KLHL1: variants seen among roughly 807,000 people sequenced by gnomAD.
KLHL1 encodes kelch like family member 1.
In KLHL1, 47 loss-of-function variants were observed where a neutral mutation model predicts 77.7. The observed-to-expected ratio is 0.60, with a 90% CI of 0.48 to 0.77. The LOEUF (loss-of-function observed/expected upper bound fraction) is 0.77. Among genes scored for constraint, KLHL1 ranks in the 30% least tolerant of loss-of-function variants. The pLI is 0.00. For missense variants in KLHL1, 925 were observed against 910.8 expected (o/e 1.02, Z -0.20); for synonymous variants, 360 against 325.2 (o/e 1.11, Z -1.15).
intron 5 of KLHL1, among the ~76,000 whole-genome samples, chr13:69,849,267 A>C (rs1036846950): frequency 3.3e-5 from 5 of 151,562 alleles, no homozygotes; most frequent in East Asian, 1.9e-4. Flanking sequence ...GGCTATATTT[A>C]AGAGTATACA....
At chr13:69,978,024 T>C (rs917646075) in intron 1 of KLHL1, among the ~76,000 whole-genome samples, 2 of 152,128 alleles carry the variant, frequency 1.3e-5, no homozygotes, top group African/African-American at 2.4e-5. Flanking sequence ...TTGAAATTAA[T>C]ACAAATTTTG....
chr13:69,961,072 T>A (rs1156383046), intron 3 of KLHL1, among the ~76,000 whole-genome samples: 1 of 152,050 alleles, frequency 6.6e-6, no homozygotes, highest in East Asian at 1.9e-4. Context: ...TTCTACTATT[T>A]ACATATTTAT....
At chr13:69,971,232 A>G (rs1467855512) in intron 2 of KLHL1, among the ~76,000 whole-genome samples, 1 of 152,058 alleles carries the variant, frequency 6.6e-6, no homozygotes, top group African/African-American at 2.4e-5. Flanking sequence ...TAAAGACAAA[A>G]TGATTTGTAA....
intron 1 of KLHL1, among the ~76,000 whole-genome samples, chr13:70,086,702 T>G (rs1887552945): frequency 6.8e-6 from 1 of 147,216 alleles, no homozygotes; most frequent in Non-Finnish European, 1.5e-5. Context: ...GATTGCCCTT[T>G]TCAAACTTTT....
At chr13:69,828,701 C>A (rs1878640995) in intron 6 of KLHL1, among the ~76,000 whole-genome samples, 1 of 150,154 alleles carries the variant, frequency 6.7e-6, no homozygotes, top group Non-Finnish European at 1.5e-5. Flanking sequence ...GATATAAACT[C>A]CAGGCTGATG....
At chr13:70,083,293 C>T (rs1180696664) in intron 1 of KLHL1, among the ~76,000 whole-genome samples, 3 of 152,144 alleles carry the variant, frequency 2.0e-5, no homozygotes, top group Non-Finnish European at 4.4e-5. Context: ...ACAGTAATAT[C>T]ATGTAAGATG....
chr13:69,878,042 G>A (rs1880831962), intron 5 of KLHL1, among the ~76,000 whole-genome samples: 1 of 152,026 alleles, frequency 6.6e-6, no homozygotes. Flanking sequence ...GAACACAAGA[G>A]GCTATTAAAG....
chr13:69,789,798 A>C (rs1045387264), intron 7 of KLHL1, among the ~76,000 whole-genome samples: 8 of 152,162 alleles, frequency 5.3e-5, no homozygotes, highest in African/African-American at 1.9e-4. Context: ...GAGACTTTAA[A>C]TCTGGAGTGA....
chr13:70,019,732 C>G (rs967809764), intron 1 of KLHL1, among the ~76,000 whole-genome samples: 7 of 152,058 alleles, frequency 4.6e-5, no homozygotes, highest in African/African-American at 1.7e-4. Flanking sequence ...ATGCCTTTAT[C>G]CATATATTAT....
intron 1 of KLHL1, among the ~76,000 whole-genome samples, chr13:70,041,431 G>C (rs1886377861): frequency 6.6e-6 from 1 of 152,114 alleles, no homozygotes; most frequent in African/African-American, 2.4e-5. Flanking sequence ...TCCAGATTGG[G>C]CTTTTCCCAA....
At chr13:70,009,920 G>C (rs765718839) in intron 1 of KLHL1, among the ~76,000 whole-genome samples, 9 of 151,894 alleles carry the variant, frequency 5.9e-5, no homozygotes, top group Admixed American at 2.0e-4. Context: ...AAAAAATCTG[G>C]ATGAAAGAGA....
chr13:69,933,130 T>G (rs933420350), intron 4 of KLHL1, among the ~76,000 whole-genome samples: 33 of 152,068 alleles, frequency 2.2e-4, no homozygotes, highest in African/African-American at 7.7e-4. Flanking sequence ...TCATTTCATA[T>G]ATACTTACAA....
intron 7 of KLHL1, among the ~76,000 whole-genome samples, chr13:69,783,607 C>G (rs150586636): frequency 0.35 from 50,997 of 145,840 alleles, 9,247 homozygotes; most frequent in African/African-American, 0.41. Context: ...AAAATGAAGC[C>G]AGAAGGGAAG....
In KLHL1 at chr13:69,909,153, G is replaced by T. The variant is rs1027751365; in HGVS notation, c.1015-26658C>A. On this transcript the variant is annotated intron_variant, in intron 4 of 10. Coordinates refer to ENST00000377844, the MANE Select transcript of KLHL1 (RefSeq NM_020866.3). ...TGAAAAGGAGAACAAATAAGTGGATGCTCAAGACAGAAAGAGAGAGAGAGA... is the reference window on the plus strand; with the variant it reads ...TGAAAAGGAGAACAAATAAGTGGATTCTCAAGACAGAAAGAGAGAGAGAGA... Among the ~76,000 whole-genome samples, 3 of 151,092 alleles carry T rather than the reference G, an allele frequency of 2.0e-5. No homozygotes were observed. In the East Asian group the frequency reaches 5.8e-4, roughly 29 times the overall value.
chr13:69,810,434 T>C (rs998371289), intron 6 of KLHL1, among the ~76,000 whole-genome samples: 5 of 152,096 alleles, frequency 3.3e-5, no homozygotes, highest in Admixed American at 6.6e-5. Flanking sequence ...TGCCCCTGAA[T>C]GACTTTTGGT....
chr13:69,911,030 A>T (rs898566882), intron 4 of KLHL1, among the ~76,000 whole-genome samples: 1 of 152,130 alleles, frequency 6.6e-6, no homozygotes, highest in Non-Finnish European at 1.5e-5. Context: ...TACTTCAAAG[A>T]TCAGTATAGA....
chr13:69,812,227 T>G (rs934836495), intron 6 of KLHL1, among the ~76,000 whole-genome samples: 7 of 152,198 alleles, frequency 4.6e-5, no homozygotes, highest in African/African-American at 1.7e-4. Flanking sequence ...GTGAGTTTCT[T>G]AATCCTGAGT....
chr13:70,107,320 T>C lies in KLHL1; in HGVS notation c.380A>G (p.Glu127Gly). The change falls in exon 1 of 11, where the codon GAG becomes GGG. Residue 127 changes from glutamate (E) to glycine (G), a missense_variant. Glu to Gly is a moderately conservative substitution (Grantham distance 98, BLOSUM62 -2). Transcript: ENST00000377844. Reference sequence around the variant, plus strand: ...AAAGTCCATGCCTGGCACCACCTCCTCCTCTAGTGACTCCACGTAGAAGAG... The same window carrying C: ...AAAGTCCATGCCTGGCACCACCTCCCCCTCTAGTGACTCCACGTAGAAGAG... ...RTLFYVESLEEEVVPGMDFPG... is the reference protein window; with the variant it reads ...RTLFYVESLEGEVVPGMDFPG... The C allele has an allele frequency of 6.2e-7, 1 of 1,614,166 alleles. No individual in the cohort carries two copies.
At chr13:69,933,787 C>T (rs1055277463) in intron 4 of KLHL1, among the ~76,000 whole-genome samples, 1 of 150,542 alleles carries the variant, frequency 6.6e-6, no homozygotes, top group South Asian at 2.1e-4. Context: ...GGACAGAAAA[C>T]AGAGAAGGGG....
Sources: gnomAD v4.1 joint callset for allele counts (sites outside exome capture counted in the v4.1 genomes callset) on GRCh38, gnomAD v4.1.1 for gene constraint, MANE v1.5 for transcripts, NCBI Gene and HGNC (gene_info 2026-07-23, HGNC 2026-07-21) for gene names.